Variants in TENM3 observed in about 807,000 individuals in gnomAD.
TENM3 encodes teneurin transmembrane protein 3.
TENM3 carries 63 observed loss-of-function variants against 255.1 expected under a neutral mutation model. The observed-to-expected ratio is 0.25, with a 90% CI of 0.20 to 0.30. TENM3 has a LOEUF of 0.30. Ranked by LOEUF, TENM3 falls within the 10% of genes least tolerant of loss-of-function variation. TENM3 has a pLI of 1.00. For missense variants in TENM3, 2,929 were observed against 3,461.1 expected, an observed-to-expected ratio of 0.85 and a Z score of 3.86; for synonymous variants, 1,306 against 1,322.3, an observed-to-expected ratio of 0.99 and a Z score of 0.27.
the TENM3 span, among the ~76,000 whole-genome samples, chr4:181,642,114 C>T: frequency 1.5e-4 from 23 of 151,976 alleles, no homozygotes; most frequent in South Asian, 4.2e-3. Context: ...CCTATTTCTC[C>T]ACATCCTCTC....
chr4:182,397,796 T>C (rs1768948333), intron 3 of TENM3, among the ~76,000 whole-genome samples: 1 of 152,154 alleles, frequency 6.6e-6, no homozygotes, highest in South Asian at 2.1e-4. Context: ...GGCTCTGGGC[T>C]ATGACTTGCG....
intron 1 of TENM3, among the ~76,000 whole-genome samples, chr4:182,234,800 C>T (rs538109009): frequency 6.6e-6 from 1 of 152,092 alleles, no homozygotes; most frequent in African/African-American, 2.4e-5. Context: ...GTGAGTGAGA[C>T]AGGCGCAGGT....
the TENM3 span, among the ~76,000 whole-genome samples, chr4:181,881,589 T>G: frequency 6.6e-6 from 1 of 152,192 alleles, no homozygotes; most frequent in Admixed American, 6.5e-5. Context: ...AATTGATCTT[T>G]GTTTTTGACC....
the TENM3 span, among the ~76,000 whole-genome samples, chr4:181,691,859 C>T: frequency 1.3e-5 from 2 of 152,156 alleles, no homozygotes; most frequent in Non-Finnish European, 2.9e-5. Context: ...CACCCCATCT[C>T]CCAGAGCAGA....
chr4:182,271,642 C>T (rs927471890), intron 1 of TENM3, among the ~76,000 whole-genome samples: 1 of 152,168 alleles, frequency 6.6e-6, no homozygotes, highest in Non-Finnish European at 1.5e-5. Flanking sequence ...GCCTTTGTCT[C>T]GGAACCTCAA....
intron 22 of TENM3, among the ~76,000 whole-genome samples, chr4:182,771,260 A>G (rs1764182883): frequency 6.6e-6 from 1 of 152,196 alleles, no homozygotes; most frequent in South Asian, 2.1e-4. Flanking sequence ...AGAAAATATA[A>G]ACCAGCAAAA....
the TENM3 span, among the ~76,000 whole-genome samples, chr4:181,715,783 C>T: frequency 2.0e-5 from 3 of 152,218 alleles, no homozygotes; most frequent in African/African-American, 7.2e-5. Context: ...AGTACCAACT[C>T]TATTGATGGC....
the TENM3 span, among the ~76,000 whole-genome samples, chr4:181,899,146 T>G: frequency 6.6e-6 from 1 of 151,972 alleles, no homozygotes; most frequent in African/African-American, 2.4e-5. Flanking sequence ...AGAAAAGAAG[T>G]AAAAACCATG....
chr4:182,476,487 A>AG (rs1733694563), intron 3 of TENM3, among the ~76,000 whole-genome samples: 1 of 152,188 alleles, frequency 6.6e-6, no homozygotes, highest in Non-Finnish European at 1.5e-5. Context: ...TTTTTAAAGA[A>AG]TGGTACTAAG....
At chr4:182,700,033 T>C (rs1481979307) in intron 12 of TENM3, among the ~76,000 whole-genome samples, 3 of 152,150 alleles carry the variant, frequency 2.0e-5, no homozygotes, top group East Asian at 3.9e-4. Context: ...AATAATATGT[T>C]GTCAGCTATT....
intron 3 of TENM3, among the ~76,000 whole-genome samples, chr4:182,556,182 A>G (rs1485369886): frequency 2.0e-5 from 3 of 152,202 alleles, no homozygotes; most frequent in Non-Finnish European, 1.5e-5. Context: ...TCCTGTTGTC[A>G]GATGCAGTGG....
chr4:182,033,544 A>T, the TENM3 span, among the ~76,000 whole-genome samples: 6 of 152,318 alleles, frequency 3.9e-5, 1 homozygote, highest in Admixed American at 3.3e-4. Context: ...GTAGATATCT[A>T]TCAGGTCCAC....
chr4:181,975,067 T>C, the TENM3 span: 20 of 152,018 alleles, frequency 1.3e-4, no homozygotes, highest in Non-Finnish European at 2.6e-4. Context: ...CTTAAGATTA[T>C]GGCCTCCAGT....
the TENM3 span, among the ~76,000 whole-genome samples, chr4:181,625,418 C>T: frequency 6.6e-6 from 1 of 152,166 alleles, no homozygotes; most frequent in Non-Finnish European, 1.5e-5. Context: ...CTACGTCCTG[C>T]CCATCAGCAG....
At chr4:182,221,912 A>G (rs1459330433) in intron 1 of TENM3, among the ~76,000 whole-genome samples, 2 of 151,996 alleles carry the variant, frequency 1.3e-5, no homozygotes, top group African/African-American at 4.8e-5. Flanking sequence ...CTTTTTGGGG[A>G]GAGTTCTTGT....
the TENM3 span, among the ~76,000 whole-genome samples, chr4:181,583,514 T>G: frequency 6.6e-6 from 1 of 152,202 alleles, no homozygotes; most frequent in African/African-American, 2.4e-5. Flanking sequence ...ATATGGATTG[T>G]TCATTTAAAC....
intron 2 of TENM3, among the ~76,000 whole-genome samples, chr4:182,342,041 A>G (rs1378098778): frequency 1.3e-5 from 2 of 152,220 alleles, no homozygotes; most frequent in Non-Finnish European, 2.9e-5. Flanking sequence ...GCTAGTGGGA[A>G]TATAAAACAC....
At chr4:181,697,555 G>T in the TENM3 span, among the ~76,000 whole-genome samples, 1 of 151,796 alleles carries the variant, frequency 6.6e-6, no homozygotes, top group African/African-American at 2.4e-5. Context: ...TACCACACCC[G>T]GCTAATTTTT....
intron 1 of TENM3, among the ~76,000 whole-genome samples, chr4:182,303,007 T>C (rs111763830): frequency 9.2e-5 from 14 of 152,312 alleles, no homozygotes; most frequent in African/African-American, 3.4e-4. Context: ...GGAAATTTCA[T>C]CACTCTTATA....
Sources: allele counts gnomAD v4.1 joint callset (sites outside exome capture counted in the v4.1 genomes callset), GRCh38; gene constraint gnomAD v4.1.1; transcripts MANE v1.5; gene names NCBI Gene and HGNC (gene_info 2026-07-23, HGNC 2026-07-21).